The following FHL2 variants were observed in gnomAD, a reference collection of about 807,000 sequenced individuals.
FHL2 encodes four and a half LIM domains 2, also known as four and a half LIM domains protein 2.
A neutral mutation model predicts 32.7 loss-of-function variants in FHL2; 20 were observed. That is an observed-to-expected ratio of 0.61 (90% CI 0.43 to 0.89). The LOEUF is 0.89. Among genes scored for constraint, FHL2 ranks in the 40% least tolerant of loss-of-function variants. The probability of loss-of-function intolerance (pLI) is 0.00; values close to 1 mark genes in which losing one functional copy is unlikely to be tolerated. For synonymous variants in FHL2, 123 were observed against 128.1 expected (o/e 0.96, Z 0.27); for missense variants, 311 against 358.6 (o/e 0.87, Z 1.07).
chr2:105,359,887 A>G (rs12476328), downstream of FHL2: 110,522 of 152,062 alleles, frequency 0.73, 40,416 homozygotes, highest in East Asian at 0.82. Flanking sequence ...ATGTGGATCC[A>G]TAACACTGGG....
rs1287364540 is a variant in FHL2, at chr2:105,435,419, CTGATACCT to C, written c.-25+2972_-25+2979del. Among the ~76,000 whole-genome samples the C allele has an allele frequency of 3.3e-5, 5 of 152,272 alleles. No homozygotes were observed. The East Asian group carries it at 9.6e-4, about 29-fold the overall frequency. ...TTTTGTGTTCATACGAAACCGTGAACTGATACCTTGAAATTACTCTAGATTTATCTGCA... is the reference window on the plus strand; with the variant it reads ...TTTTGTGTTCATACGAAACCGTGAACTGAAATTACTCTAGATTTATCTGCA... On this transcript the variant is annotated intron_variant, in intron 1 of 5. Transcript: ENST00000393352.
intron 1 of FHL2, among the ~76,000 whole-genome samples, chr2:105,398,626 G>A (rs1309807456): frequency 6.6e-6 from 1 of 152,188 alleles, no homozygotes; most frequent in South Asian, 2.1e-4. Flanking sequence ...ATGAGTCGGT[G>A]GGCTCCTCTG....
At chr2:105,383,593 T>G (rs560260981) in intron 3 of FHL2, among the ~76,000 whole-genome samples, 1 of 152,296 alleles carries the variant, frequency 6.6e-6, no homozygotes, top group African/African-American at 2.4e-5. Context: ...CACATGAACA[T>G]GTCCTTTAGA....
intron 2 of FHL2, among the ~76,000 whole-genome samples, chr2:105,391,882 T>C (rs940109978): frequency 5.3e-5 from 8 of 152,254 alleles, no homozygotes; most frequent in African/African-American, 1.9e-4. Context: ...GGCAACAGCC[T>C]GCAGGGAGAT....
chr2:105,387,653 G>A (rs1682418014), intron 2 of FHL2, among the ~76,000 whole-genome samples: 1 of 152,188 alleles, frequency 6.6e-6, no homozygotes, highest in South Asian at 2.1e-4. Context: ...ATACACTGTG[G>A]GTGGGAGTGT....
chr2:105,436,628 C>A (rs1684619964), intron 1 of FHL2, among the ~76,000 whole-genome samples: 1 of 151,622 alleles, frequency 6.6e-6, no homozygotes, highest in Non-Finnish European at 1.5e-5. Context: ...TTTGGATTCA[C>A]CTTAAAATAT....
At position 105,424,013 on chromosome 2, in the gene FHL2, C is replaced by A. The variant is rs59933018; in HGVS notation, c.-25+14386G>T. ...ACCAAAAGCAATGGCAACAAAAGCC[C>A]AAATAGACAAATGGGATCTAATTAA... On this transcript the variant is annotated intron_variant, in intron 1 of 5. Transcript: ENST00000393352. Among the ~76,000 whole-genome samples, 122 of 152,120 alleles carry A rather than the reference C, an allele frequency of 8.0e-4. 4 individuals carry two copies. In the East Asian group the frequency reaches 0.016, roughly 20 times the overall value.
chr2:105,392,800 C>CA, intron 2 of FHL2, among the ~76,000 whole-genome samples: 1 of 143,492 alleles, frequency 7.0e-6, no homozygotes, highest in Non-Finnish European at 1.5e-5. Flanking sequence ...AAGGACCCTG[C>CA]ATGCCAGGAA....
exon 1 of FHL2, chr2:105,438,470 C>T: frequency 1.0e-6 from 1 of 985,598 alleles, no homozygotes; most frequent in Non-Finnish European, 1.2e-6. Flanking sequence ...AGGCGGACTG[C>T]CTGGTTGGAT....
chr2:105,402,028 C>T (rs1683480364), upstream of FHL2, among the ~76,000 whole-genome samples: 1 of 149,134 alleles, frequency 6.7e-6, no homozygotes, highest in Non-Finnish European at 1.5e-5. Flanking sequence ...CGTATATATA[C>T]ACGAATATAT....
chr2:105,420,974 G>C (rs1387351008), intron 1 of FHL2, among the ~76,000 whole-genome samples: 2 of 152,154 alleles, frequency 1.3e-5, no homozygotes, highest in Non-Finnish European at 2.9e-5. Flanking sequence ...TGAACTAGTG[G>C]GACAAGTTTT....
intron 3 of FHL2, among the ~76,000 whole-genome samples, chr2:105,375,027 T>C (rs932180807): frequency 1.3e-5 from 2 of 152,170 alleles, no homozygotes; most frequent in Non-Finnish European, 2.9e-5. Flanking sequence ...GGAGTTATGC[T>C]GAATGTAGGA....
chr2:105,437,584 G>A (rs550137644), intron 1 of FHL2, among the ~76,000 whole-genome samples: 16 of 152,258 alleles, frequency 1.1e-4, no homozygotes, highest in East Asian at 3.9e-4. Flanking sequence ...ATCTTTGGAC[G>A]TCAGAATAAT....
chr2:105,413,969 C>T (rs1204759891), intron 1 of FHL2, among the ~76,000 whole-genome samples: 1 of 152,162 alleles, frequency 6.6e-6, no homozygotes, highest in Non-Finnish European at 1.5e-5. Flanking sequence ...AGGGCTCAGT[C>T]CCACAAGACT....
chr2:105,423,240 G>A (rs1272794516), intron 1 of FHL2, among the ~76,000 whole-genome samples: 1 of 152,118 alleles, frequency 6.6e-6, no homozygotes, highest in East Asian at 1.9e-4. Context: ...GAAACATGAA[G>A]CTTTTAGAAT....
chr2:105,392,603 T>A (rs1448264989), intron 2 of FHL2, among the ~76,000 whole-genome samples: 1 of 152,114 alleles, frequency 6.6e-6, no homozygotes, highest in Non-Finnish European at 1.5e-5. Context: ...CACAAGCTCA[T>A]CAGTGTGATC....
intron 1 of FHL2, among the ~76,000 whole-genome samples, chr2:105,412,569 C>T (rs949748851): frequency 6.6e-6 from 1 of 152,126 alleles, no homozygotes; most frequent in African/African-American, 2.4e-5. Flanking sequence ...TAGGTAAAAA[C>T]CAGTAGAGCA....
chr2:105,371,426 A>C (rs75786168), intron 4 of FHL2, among the ~76,000 whole-genome samples: 5 of 151,996 alleles, frequency 3.3e-5, no homozygotes, highest in African/African-American at 1.2e-4. Context: ...CGCCCTACGG[A>C]ATTCAAATGC....
chr2:105,396,839 A>G, intron 1 of FHL2, 142 bp from the exon 2 acceptor site: 2 of 698,956 alleles, frequency 2.9e-6, no homozygotes, highest in Non-Finnish European at 2.4e-6. Context: ...CCCAATGTCT[A>G]ATGTTTCCAT....
Sources: gnomAD v4.1 joint callset for allele counts (sites outside exome capture counted in the v4.1 genomes callset) on GRCh38, gnomAD v4.1.1 for gene constraint, MANE v1.5 for transcripts, NCBI Gene and HGNC (gene_info 2026-07-23, HGNC 2026-07-21) for gene names.